The following NLRP1 variants were observed in gnomAD, a reference collection of about 807,000 sequenced individuals.
The protein encoded by NLRP1 is NLR family pyrin domain containing 1.
In NLRP1, 94 loss-of-function variants were observed where a neutral mutation model predicts 136.7. The ratio of observed to expected loss-of-function variants is 0.69; its 90% confidence interval spans 0.58 to 0.82. The LOEUF (loss-of-function observed/expected upper bound fraction) is 0.82, where lower values mean the gene tolerates loss of function less well. Among genes scored for constraint, NLRP1 ranks in the 40% least tolerant of loss-of-function variants. NLRP1 has a pLI of 0.00. For missense variants in NLRP1, 1,575 were observed against 1,802.7 expected, an observed-to-expected ratio of 0.87 and a Z score of 2.29; for synonymous variants, 690 against 725.1, an observed-to-expected ratio of 0.95 and a Z score of 0.78.
At chr17:5,511,967 G>C (rs4790267), downstream of NLRP1, 2 of 469,256 alleles carry the variant, frequency 4.3e-6, no homozygotes, top group East Asian at 4.6e-5. Context: ...AGGGAGCCCA[G>C]CTGTAACTTG....
intron 12 of NLRP1, chr17:5,530,162 A>C (rs1358831625): frequency 4.2e-6 from 2 of 474,992 alleles, no homozygotes; most frequent in African/African-American, 2.0e-5. Context: ...GTCTTTGAAA[A>C]GCTTCTTCAA....
At chr17:5,577,566 C>CTCT (rs1905142645) in intron 3 of NLRP1, among the ~76,000 whole-genome samples, 1 of 152,110 alleles carries the variant, frequency 6.6e-6, no homozygotes, top group African/African-American at 2.4e-5. Flanking sequence ...TGTGAAGGAC[C>CTCT]TCTTCAAGGA....
At chr17:5,518,571 C>G (rs796910555) in intron 14 of NLRP1, 3 of 139,928 alleles carry the variant, frequency 2.1e-5, no homozygotes, top group African/African-American at 7.9e-5. Flanking sequence ...TTTTTTGTTT[C>G]TTTTTTTTTT....
At chr17:5,511,487 C>T (rs1032574059), downstream of NLRP1, among the ~76,000 whole-genome samples, 1 of 151,190 alleles carries the variant, frequency 6.6e-6, no homozygotes, top group Non-Finnish European at 1.5e-5. Context: ...GCATGTGTGT[C>T]TCCCCCATCC....
chr17:5,557,312 C>CT (rs201080237), intron 4 of NLRP1, among the ~76,000 whole-genome samples: 31 of 148,782 alleles, frequency 2.1e-4, no homozygotes, highest in Middle Eastern at 3.5e-3. Flanking sequence ...GCCTACATAT[C>CT]TTTTTTTTTT....
intron 3 of NLRP1, among the ~76,000 whole-genome samples, chr17:5,568,979 C>T (rs940916936): frequency 6.6e-6 from 1 of 152,192 alleles, no homozygotes; most frequent in Admixed American, 6.5e-5. Context: ...TGGCCACCTA[C>T]CACTATGACT....
intron 8 of NLRP1, among the ~76,000 whole-genome samples, chr17:5,535,260 G>C (rs1041665806): frequency 3.3e-5 from 5 of 151,986 alleles, no homozygotes; most frequent in Non-Finnish European, 7.4e-5. Context: ...CCACCCCAGA[G>C]ATTCTGATTC....
At chr17:5,511,114 AG>A (rs1458120496), downstream of NLRP1, among the ~76,000 whole-genome samples, 1 of 152,174 alleles carries the variant, frequency 6.6e-6, no homozygotes, top group Non-Finnish European at 1.5e-5. Flanking sequence ...CCTGTCCCTC[AG>A]AATTCTAGCT....
At chr17:5,512,399 C>T (rs976679090), downstream of NLRP1, 3 of 1,025,610 alleles carry the variant, frequency 2.9e-6, no homozygotes, top group South Asian at 2.5e-5. Flanking sequence ...CTTCTAGTGC[C>T]CATATCTTGA....
At position 5,553,506 on chromosome 17, in the gene NLRP1, A is replaced by G; in HGVS notation, c.2408T>C (p.Val803Ala). 2.5e-6 allele frequency: 4 copies of G among 1,614,180 alleles called. No homozygotes were observed. The highest frequency in any genetic ancestry group is 2.5e-6 in the Non-Finnish European group (3 of 1,180,024). The change falls in exon 5 of 17, where the codon GTC becomes GCC. Residue 803 changes from valine (V) to alanine (A), a missense_variant. Val to Ala is a moderately conservative substitution (Grantham distance 64). Coordinates refer to ENST00000572272, the MANE Select transcript of NLRP1 (RefSeq NM_033004.4). ...CTTCAGGTTTCTGGTGACCTTGAGG[A>G]CGGAGAAGAGAATCTGCCAATAGGC... ...TDAYWQILFS[V>A]LKVTRNLKEL... is the part of the protein sequence containing the mutation.
chr17:5,540,277 T>A lies in NLRP1; in HGVS notation c.2700-692A>T, dbSNP rs62072732. Among the ~76,000 whole-genome samples, 28 of 152,340 alleles carry A rather than the reference T, an allele frequency of 1.8e-4. No individual in the cohort carries two copies. The East Asian group carries it at 5.4e-3, about 29-fold the overall frequency. On this transcript the variant is annotated intron_variant, in intron 6 of 16. Coordinates refer to ENST00000572272, the MANE Select transcript of NLRP1 (RefSeq NM_033004.4). ...GATGTGGGACCATCTCCAAGATATA[T>A]TTTAACTGATAAAGCAAAGTGCAGG...
intron 3 of NLRP1, among the ~76,000 whole-genome samples, chr17:5,568,668 C>A (rs1186311644): frequency 6.6e-6 from 1 of 152,088 alleles, no homozygotes; most frequent in African/African-American, 2.4e-5. Flanking sequence ...TCTTCACTGT[C>A]CAGGCTTATT....
At chr17:5,511,482 T>G (rs1907624511), downstream of NLRP1, among the ~76,000 whole-genome samples, 1 of 150,506 alleles carries the variant, frequency 6.6e-6, no homozygotes, top group Non-Finnish European at 1.5e-5. Context: ...GACATGCATG[T>G]GTGTCTCCCC....
chr17:5,516,565 C>T (rs71368553), intron 15 of NLRP1, among the ~76,000 whole-genome samples: 7,221 of 152,262 alleles, frequency 0.047, 201 homozygotes, highest in Middle Eastern at 0.092. Flanking sequence ...AAAAAGATAA[C>T]ATTGCTACGA....
intron 5 of NLRP1, among the ~76,000 whole-genome samples, chr17:5,545,325 CACAG>C (rs67901127): frequency 0.15 from 18,417 of 124,394 alleles, 1,973 homozygotes; most frequent in East Asian, 0.61. Context: ...CTCTCTTACA[CACAG>C]ACACACAGAC....
rs187666384 is a variant in NLRP1, at chr17:5,519,505, G to C, written c.3915+1376C>G. ...TTGTAGCCCACACTGGAGTGCAGGG[G>C]GGGTGATCTTGGCTCACTGCAACCT... On this transcript the variant is annotated intron_variant, in intron 14 of 16. Transcript: ENST00000572272. 5.3e-5 allele frequency among the ~76,000 whole-genome samples: 8 copies of C among 151,300 alleles called. No homozygotes were observed. In the East Asian group the frequency reaches 9.8e-4, roughly 18 times the overall value.
In NLRP1 at chr17:5,530,654, C is replaced by A. The variant is rs566415343; in HGVS notation, c.3347G>T (p.Cys1116Phe). The change falls in exon 12 of 17, where the codon TGC becomes TTC. Residue 1116 changes from cysteine to phenylalanine, a missense_variant. By Grantham distance (205) the Cys-to-Phe change is radical (BLOSUM62 -2). Transcript: ENST00000572272. ...GSYRWPNTGL[C>F]FVMREAVTVE... is the part of the protein sequence containing the mutation. ...GGTCACCGCTTCTCTCATCACAAAGCAGAGACCCGTGTTGGGCCAGCGGTA... is the reference window on the plus strand; with the variant it reads ...GGTCACCGCTTCTCTCATCACAAAGAAGAGACCCGTGTTGGGCCAGCGGTA... The A allele has an allele frequency of 6.2e-7, 1 of 1,614,244 alleles. No homozygotes were observed. Among genetic ancestry groups the A allele is most frequent in the South Asian group, 1.1e-5 (1 of 91,090 alleles).
rs7217515 is a variant in NLRP1, at chr17:5,517,481, G to A, written c.4057+265C>T. On this transcript the variant is annotated intron_variant, in intron 15 of 16. Coordinates refer to ENST00000572272, the MANE Select transcript of NLRP1 (RefSeq NM_033004.4). ...CAGCTCACTGCAACCTCCGCCTCCT[G>A]GGTTCAAGCGATTCTTCTGCCTCAG... Among the ~76,000 whole-genome samples, 1,003 of 151,944 alleles carry A rather than the reference G, an allele frequency of 6.6e-3. 11 individuals carry two copies. The highest frequency in any genetic ancestry group is 0.023 in the African/African-American group (965 of 41,426).
chr17:5,521,937 G>A, intron 12 of NLRP1, 151 bp from the exon 13 acceptor site: 2 of 730,554 alleles, frequency 2.7e-6, no homozygotes, highest in Non-Finnish European at 4.2e-6. Context: ...CGATTCTCCT[G>A]CCTCAGCCTC....
Sources: allele counts gnomAD v4.1 joint callset (sites outside exome capture counted in the v4.1 genomes callset), GRCh38; gene constraint gnomAD v4.1.1; transcripts MANE v1.5; gene names NCBI Gene and HGNC (gene_info 2026-07-23, HGNC 2026-07-21).